REPS1: variants seen among roughly 807,000 people sequenced by gnomAD.
The protein encoded by REPS1 is ralBP1-associated Eps domain-containing protein 1.
A neutral mutation model predicts 100.9 loss-of-function variants in REPS1; 39 were observed. The ratio of observed to expected loss-of-function variants is 0.39; its 90% CI spans 0.30 to 0.50. The LOEUF (loss-of-function observed/expected upper bound fraction) is 0.50, where lower values mean the gene tolerates loss of function less well. REPS1 is among the 20% of genes least tolerant of loss of function. REPS1 has a pLI of 0.86. For missense variants in REPS1, 821 were observed against 968.5 expected, an observed-to-expected ratio of 0.85 and a Z score of 2.02; for synonymous variants, 324 against 340.3, an observed-to-expected ratio of 0.95 and a Z score of 0.53.
In REPS1 at chr6:138,970,868, G is replaced by A. The variant is rs562157500; in HGVS notation, c.153+16662C>T. Among the ~76,000 whole-genome samples the A allele has an allele frequency of 3.3e-5, 5 of 152,254 alleles. No homozygotes were observed. In the South Asian group the frequency reaches 1.0e-3, roughly 32 times the overall value. On this transcript the variant is annotated intron_variant, in intron 1 of 19. Coordinates refer to ENST00000450536, the MANE Select transcript of REPS1 (RefSeq NM_001286611.2). ...GGTACAGGCAGTAGAGAAGAAATCA[G>A]GTCATTTGTTATTTGGCAGTAAAAG...
Position 138,921,028 on chromosome 6 carries a change from C to T in REPS1, c.1426+9G>A, listed in dbSNP as rs1473706895. 27 of 1,601,476 alleles carry T rather than the reference C, an allele frequency of 1.7e-5. No homozygotes were observed. Among genetic ancestry groups the T allele is most frequent in the Non-Finnish European group, 2.2e-5 (26 of 1,169,740 alleles). ...AAACTAAAATACAAACCAGCAACAG[C>T]TTCCTTACCGCTGCCAGTTCTTTTA... On this transcript the variant is annotated intron_variant, in intron 11 of 19. Transcript: ENST00000450536.
At position 138,987,768 on chromosome 6, in the gene REPS1, T is replaced by C; in HGVS notation, c.-86A>G. The C allele has an allele frequency of 7.3e-7, 1 of 1,377,608 alleles. No individual in the cohort carries two copies. The highest frequency in any genetic ancestry group is 9.4e-7 in the Non-Finnish European group (1 of 1,060,746). The allele number at this position is 1,377,608 out of a possible 1,614,324, so 85.3% of individuals were successfully genotyped here. ...AACCTGGGCCGGCAGGGGCTGCGCG[T>C]GGCCCGGCCTCCTGCTAGCTTCCCG... On this transcript the variant is annotated 5_prime_UTR_variant, in exon 1 of 20. Coordinates refer to ENST00000450536, the MANE Select transcript of REPS1 (RefSeq NM_001286611.2).
At chr6:138,968,321 A>G (rs947732779) in intron 1 of REPS1, among the ~76,000 whole-genome samples, 10 of 152,248 alleles carry the variant, frequency 6.6e-5, no homozygotes, top group Non-Finnish European at 1.3e-4. Context: ...GCTATCATTT[A>G]TTGAGTGGTG....
intron 9 of REPS1, 160 bp downstream of exon 9, chr6:138,929,816 TC>T (rs1781374583): frequency 1.5e-6 from 1 of 652,314 alleles, no homozygotes; most frequent in Non-Finnish European, 2.5e-6. Context: ...TTTGAAAACC[TC>T]GAAAAAGTCA....
chr6:138,924,654 T>A lies in REPS1; in HGVS notation c.1338+1747A>T, dbSNP rs897677099. Among the ~76,000 whole-genome samples, 4 of 152,320 alleles carry A rather than the reference T, an allele frequency of 2.6e-5. No individual in the cohort carries two copies. In the East Asian group the frequency reaches 7.7e-4, roughly 29 times the overall value. Reference sequence around the variant, plus strand: ...TATACTTTCATTAAGTACTTTCATATTAGCTTAACTGTACAATAATGAGAC... The same window carrying A: ...TATACTTTCATTAAGTACTTTCATAATAGCTTAACTGTACAATAATGAGAC... On this transcript the variant is annotated intron_variant, in intron 10 of 19. Transcript: ENST00000450536.
intron 8 of REPS1, among the ~76,000 whole-genome samples, chr6:138,932,528 T>C (rs1202460470): frequency 6.6e-6 from 1 of 151,514 alleles, no homozygotes; most frequent in Admixed American, 6.6e-5. Context: ...TGAATGTTCA[T>C]GAAGCAGTAC....
chr6:138,985,256 C>T lies in REPS1; in HGVS notation c.153+2274G>A, dbSNP rs111381011. Among the ~76,000 whole-genome samples, 938 of 152,242 alleles carry T rather than the reference C, an allele frequency of 6.2e-3. 7 individuals carry two copies. The highest frequency in any genetic ancestry group is 0.021 in the African/African-American group (891 of 41,544). On this transcript the variant is annotated intron_variant, in intron 1 of 19. Coordinates refer to ENST00000450536, the MANE Select transcript of REPS1 (RefSeq NM_001286611.2). ...AATTTAAAGTCCATCTGAATTAAGT[C>T]AAAAAGCCTTTCTTGGTCATACCTC...
chr6:138,920,976 A>C (rs1395700734), intron 11 of REPS1, 61 bp downstream of exon 11: 46 of 1,205,576 alleles, frequency 3.8e-5, no homozygotes, highest in Non-Finnish European at 5.0e-5. Context: ...ACCTTGACAG[A>C]ATAATTACAT....
At chr6:138,922,313 T>G (rs1475726832) in intron 10 of REPS1, among the ~76,000 whole-genome samples, 2 of 152,168 alleles carry the variant, frequency 1.3e-5, no homozygotes, top group Non-Finnish European at 2.9e-5. Context: ...AAATTTAGCA[T>G]GAAACTGCCA....
chr6:138,919,974 T>C (rs1320211717), intron 12 of REPS1, among the ~76,000 whole-genome samples: 1 of 152,126 alleles, frequency 6.6e-6, no homozygotes, highest in African/African-American at 2.4e-5. Context: ...AAGGAACCAC[T>C]GAGGAAGAGC....
chr6:138,985,492 T>C (rs1448740331), intron 1 of REPS1, among the ~76,000 whole-genome samples: 1 of 152,214 alleles, frequency 6.6e-6, no homozygotes, highest in Non-Finnish European at 1.5e-5. Context: ...GAGGACTGTG[T>C]TTTCAGACAA....
Position 138,945,281 on chromosome 6 carries a change from T to C in REPS1, c.566A>G (p.Asn189Ser), listed in dbSNP as rs1782534262. The change falls in exon 4 of 20, where the codon AAT becomes AGT. Residue 189 changes from asparagine to serine, a missense_variant. Around this residue, in one of 3 missense-constraint regions of REPS1, gnomAD observed 757 missense variants for 866.4 expected, o/e 0.87. Transcript: ENST00000450536. The stretch of plus-strand genomic sequence containing the variant: ...AGGTCCCGCGAGAGGCCTCTCACTA[T>C]TCCCACCGCTGGGATGACGGCTGTG... Reference protein sequence around the residue: ...RKHSRHPSGGNSERPLAGPGP... With the variant: ...RKHSRHPSGGSSERPLAGPGP... 6.2e-7 allele frequency: 1 copy of C among 1,611,720 alleles called. No homozygotes were observed. The highest frequency in any genetic ancestry group is 8.5e-7 in the Non-Finnish European group (1 of 1,179,522).
intron 5 of REPS1, 78 bp from the exon 6 acceptor site, chr6:138,944,093 T>C (rs1164132998): frequency 4.4e-6 from 6 of 1,371,262 alleles, no homozygotes; most frequent in Non-Finnish European, 5.1e-6. Context: ...GTTATTTATC[T>C]TTGAAAGTAA....
At chr6:138,962,022 G>A (rs191102328) in intron 1 of REPS1, among the ~76,000 whole-genome samples, 5 of 152,230 alleles carry the variant, frequency 3.3e-5, no homozygotes, top group African/African-American at 7.2e-5. Flanking sequence ...TTGGATACAC[G>A]GAATTTTCTA....
chr6:138,953,016 T>C (rs1783139539), intron 1 of REPS1, among the ~76,000 whole-genome samples: 1 of 152,022 alleles, frequency 6.6e-6, no homozygotes, highest in Admixed American at 6.6e-5. Flanking sequence ...TTTGTATTTT[T>C]AGTAGAAATG....
chr6:138,953,322 C>T (rs180743505), intron 1 of REPS1, among the ~76,000 whole-genome samples: 77 of 151,938 alleles, frequency 5.1e-4, no homozygotes, highest in African/African-American at 1.8e-3. Context: ...GCATAGGCAA[C>T]AAAAGCAAAA....
Position 138,912,836 on chromosome 6 carries a change from C to A in REPS1, c.1900G>T (p.Glu634Ter). The A allele has an allele frequency of 6.2e-7, 1 of 1,614,156 alleles. No individual in the cohort carries two copies. The highest frequency in any genetic ancestry group is 8.5e-7 in the Non-Finnish European group (1 of 1,180,016). The change falls in exon 16 of 20, where the codon GAA (glutamate) becomes TAA (stop). Residue 634 changes from glutamate to a stop codon, truncating the protein, a stop_gained. Transcript: ENST00000450536. LOFTEE classifies it high-confidence loss of function. ...QPNFADFSQF[E>*]VFAASNVNDE... The stretch of plus-strand genomic sequence containing the variant: ...TTTACATTTGATGCAGCAAATACTT[C>A]AAACTGACTGAAATCTGCAAAATTT...
Position 138,926,459 on chromosome 6 carries a change from C to T in REPS1, c.1280G>A (p.Arg427His), listed in dbSNP as rs753423217. ...GGTCAGAGTTTGTGAGCTTGAAGAG[C>T]GTTCACTAAATGTCTCCCACTGCTG... ...SSEQWETFSE[R>H]SSSSQTLTQF... Residue 427 changes from arginine to histidine, a missense_variant, in exon 10 of 20, where the codon CGC (arginine) becomes CAC (histidine). Around this residue, in one of 3 missense-constraint regions of REPS1, gnomAD observed 757 missense variants for 866.4 expected, o/e 0.87. Transcript: ENST00000450536. 8.1e-6 allele frequency: 13 copies of T among 1,612,124 alleles called. No homozygotes were observed. In the Admixed American group the frequency reaches 1.7e-4, roughly 21 times the overall value.
chr6:138,987,907 C>CGCGGCTGCGGCT lies in REPS1; in HGVS notation c.-237_-226dup, dbSNP rs970425740. 2.5e-6 allele frequency: 1 copy of CGCGGCTGCGGCT among 399,866 alleles called. No individual in the cohort carries two copies. Among genetic ancestry groups the CGCGGCTGCGGCT allele is most frequent in the South Asian group, 1.2e-4 (1 of 8,352 alleles). 24.8% of individuals were successfully genotyped at this position (399,866 alleles called of 1,614,324 possible). A position where few individuals can be genotyped will look rare whatever the true frequency, so the allele number is the denominator to read the frequency against. On this transcript the variant is annotated 5_prime_UTR_variant, in exon 1 of 20. Transcript: ENST00000450536. ...GCGCCGCTGCCTGCGAGGCCCGGCG[C>CGCGGCTGCGGCT]GCGGCTGCGGCTGCGGCTGCGACTA...
Sources: allele counts gnomAD v4.1 joint callset (sites outside exome capture counted in the v4.1 genomes callset), GRCh38; gene constraint gnomAD v4.1.1; regional missense constraint gnomAD v4.1.1; transcripts MANE v1.5; gene names NCBI Gene and HGNC (gene_info 2026-07-23, HGNC 2026-07-21).